The following ARSK variants were observed in gnomAD, a reference collection of about 807,000 sequenced individuals.
ARSK encodes the protein arylsulfatase family member K.
In ARSK, 37 loss-of-function variants were observed where a neutral mutation model predicts 53.2. The ratio of observed to expected loss-of-function variants is 0.70; its 90% CI spans 0.54 to 0.92. The LOEUF is 0.92. ARSK is among the 40% of genes least tolerant of loss of function. ARSK has a pLI of 0.00. For synonymous variants in ARSK, 208 were observed against 223.2 expected (o/e 0.93, Z 0.61); for missense variants, 613 against 643.0 (o/e 0.95, Z 0.51).
chr5:95,555,298 C>G lies in ARSK; in HGVS notation c.20C>G (p.Ser7Trp), dbSNP rs765256660. The G allele has an allele frequency of 1.9e-6, 3 of 1,601,436 alleles. No individual in the cohort carries two copies. The highest frequency in any genetic ancestry group is 2.2e-5 in the South Asian group (2 of 90,630). MLLLWVSVVAALALAVL... is the reference protein window; with the variant it reads MLLLWVWVVAALALAVL... ...CCGGCGATGCTACTGCTGTGGGTGT[C>G]GGTGGTCGCAGCCTTGGCGCTGGCG... The change falls in exon 1 of 8, where the codon TCG (serine) becomes TGG (tryptophan). Residue 7 changes from serine to tryptophan, a missense_variant. Coordinates refer to ENST00000380009, the MANE Select transcript of ARSK (RefSeq NM_198150.3). The surrounding 1 kb of genome is among the most constrained non-coding windows in gnomAD (Gnocchi z 4.0).
At chr5:95,564,713 T>G (rs1404562459) in intron 1 of ARSK, among the ~76,000 whole-genome samples, 1 of 152,178 alleles carries the variant, frequency 6.6e-6, no homozygotes, top group Non-Finnish European at 1.5e-5. Context: ...GTTACCTCTT[T>G]CTTGGCACAC....
At chr5:95,591,984 AT>A (rs1749226103) in intron 6 of ARSK, among the ~76,000 whole-genome samples, 1 of 152,194 alleles carries the variant, frequency 6.6e-6, no homozygotes. Flanking sequence ...TTTCTGAATT[AT>A]TCTATTCACT....
At chr5:95,592,640 A>G (rs1367575267) in intron 6 of ARSK, among the ~76,000 whole-genome samples, 3 of 152,034 alleles carry the variant, frequency 2.0e-5, no homozygotes, top group African/African-American at 7.2e-5. Flanking sequence ...CCTCTGCCTA[A>G]CAGTTTCAAG....
chr5:95,559,415 G>C (rs552253946), intron 1 of ARSK, among the ~76,000 whole-genome samples: 1 of 152,270 alleles, frequency 6.6e-6, no homozygotes, highest in East Asian at 1.9e-4. Flanking sequence ...AGCCCGCAAA[G>C]ATTTGGTATC....
At chr5:95,565,902 A>T in intron 1 of ARSK, 96 bp from the exon 2 acceptor site, 1 of 1,156,686 alleles carries the variant, frequency 8.6e-7, no homozygotes, top group Non-Finnish European at 1.2e-6. Flanking sequence ...TTAAAATCAT[A>T]TTGAAGTCTT....
intron 3 of ARSK, among the ~76,000 whole-genome samples, chr5:95,581,970 G>A (rs907424278): frequency 6.6e-6 from 1 of 151,968 alleles, no homozygotes; most frequent in African/African-American, 2.4e-5. Flanking sequence ...TCAGAAGTCA[G>A]GGTATAAAAT....
chr5:95,572,420 T>C (rs1748847919), intron 3 of ARSK, among the ~76,000 whole-genome samples: 1 of 152,246 alleles, frequency 6.6e-6, no homozygotes, highest in South Asian at 2.1e-4. Context: ...ATCTGCCCCT[T>C]CACATTATAT....
chr5:95,587,905 C>CAA (rs753471404), intron 5 of ARSK, among the ~76,000 whole-genome samples: 7 of 82,336 alleles, frequency 8.5e-5, no homozygotes, highest in African/African-American at 1.9e-4. Context: ...GACTACGTCT[C>CAA]AAAAAAAAAA....
At chr5:95,598,633 C>G (rs555946699) in intron 6 of ARSK, among the ~76,000 whole-genome samples, 1 of 152,270 alleles carries the variant, frequency 6.6e-6, no homozygotes, top group African/African-American at 2.4e-5. Context: ...GTCAGACTGT[C>G]ACACCTCTGC....
At chr5:95,597,611 A>C (rs934791605) in intron 6 of ARSK, among the ~76,000 whole-genome samples, 3 of 152,304 alleles carry the variant, frequency 2.0e-5, no homozygotes, top group Middle Eastern at 3.4e-3. Context: ...AAATGGGGAT[A>C]GGCCAGGCGT....
intron 3 of ARSK, among the ~76,000 whole-genome samples, chr5:95,579,247 G>A (rs987527207): frequency 3.9e-5 from 6 of 152,242 alleles, no homozygotes; most frequent in Middle Eastern, 3.4e-3. Flanking sequence ...AGTGAGTCTA[G>A]GATAGTGTAT....
At position 95,604,423 on chromosome 5, in the gene ARSK, C is replaced by T. The variant is rs929038416; in HGVS notation, c.*897C>T. ...CTCCAAGAAGCAAGTACCGAAACCACCTGCTTACGCATTTTTAGAGATTGG... is the reference window on the plus strand; with the variant it reads ...CTCCAAGAAGCAAGTACCGAAACCATCTGCTTACGCATTTTTAGAGATTGG... On this transcript the variant is annotated 3_prime_UTR_variant, in exon 8 of 8. Coordinates refer to ENST00000380009, the MANE Select transcript of ARSK (RefSeq NM_198150.3). 3 of 152,216 alleles carry T rather than the reference C, an allele frequency of 2.0e-5. 1 individual carries two copies. The highest frequency in any genetic ancestry group is 4.8e-5 in the African/African-American group (2 of 41,456). 9.4% of individuals were successfully genotyped at this position (152,216 alleles called of 1,614,324 possible).
At chr5:95,561,100 T>G (rs1283971220) in intron 1 of ARSK, among the ~76,000 whole-genome samples, 1 of 152,196 alleles carries the variant, frequency 6.6e-6, no homozygotes, top group East Asian at 1.9e-4. Context: ...TGAACCACCA[T>G]GCCCGGCCAA....
rs763673609 is a variant in ARSK at position 95,586,598 on chromosome 5, C to A, written c.736C>A (p.Pro246Thr). The A allele has an allele frequency of 6.2e-6, 10 of 1,612,060 alleles. No individual in the cohort carries two copies. Among genetic ancestry groups the A allele is most frequent in the Non-Finnish European group, 7.6e-6 (9 of 1,179,338 alleles). ...HDAIKIPKWS[P>T]LSEMHPVDYY... The stretch of plus-strand genomic sequence containing the variant: ...TGCCATCAAAATCCCAAAGTGGTCA[C>A]CTTTGTCAGAAATGCACCCTGTAGA... Residue 246 changes from proline to threonine, a missense_variant, in exon 5 of 8, where the codon CCT (proline) becomes ACT (threonine). Physicochemically the swap from Pro to Thr is conservative, Grantham distance 38 (BLOSUM62 -1). Coordinates refer to ENST00000380009, the MANE Select transcript of ARSK (RefSeq NM_198150.3).
At chr5:95,572,809 C>G (rs1245580821) in intron 3 of ARSK, among the ~76,000 whole-genome samples, 1 of 152,090 alleles carries the variant, frequency 6.6e-6, no homozygotes, top group Non-Finnish European at 1.5e-5. Context: ...TATTTGCCTT[C>G]AGGTAAAATT....
At position 95,591,597 on chromosome 5, in the gene ARSK, T is replaced by G; in HGVS notation, c.1068T>G (p.Ser356=). 6.2e-7 allele frequency: 1 copy of G among 1,614,142 alleles called. No homozygotes were observed. Among genetic ancestry groups the G allele is most frequent in the Non-Finnish European group, 8.5e-7 (1 of 1,179,984 alleles). ...GCCTACAAGTATCAAATGTGGTTTC[T>G]CTTGTGGATATTTACCCTACCATGC... The part of the protein sequence containing the change: ...KAGLQVSNVV[S]LVDIYPTMLD... Residue 356 remains serine, a synonymous_variant, in exon 6 of 8, where the codon TCT becomes TCG. Coordinates refer to ENST00000380009, the MANE Select transcript of ARSK (RefSeq NM_198150.3).
At chr5:95,581,133 G>A (rs901606123) in intron 3 of ARSK, among the ~76,000 whole-genome samples, 9 of 152,042 alleles carry the variant, frequency 5.9e-5, no homozygotes, top group African/African-American at 9.7e-5. Context: ...GAGGACAATC[G>A]CATATTATTT....
rs775945595 is a variant in ARSK at position 95,568,064 on chromosome 5, A to G, written c.416+15A>G. The G allele has an allele frequency of 3.7e-6, 6 of 1,611,068 alleles. No homozygotes were observed. Among genetic ancestry groups the G allele is most frequent in the Non-Finnish European group, 4.2e-6 (5 of 1,178,662 alleles). Reference sequence around the variant, plus strand: ...CACTCCATTAGGTAAAAATAAAACAAAAATAATCATCATGGACTGCCCTCT... The same window carrying G: ...CACTCCATTAGGTAAAAATAAAACAGAAATAATCATCATGGACTGCCCTCT... On this transcript the variant is annotated intron_variant, in intron 3 of 7. Transcript: ENST00000380009.
rs1413878443 is a variant in ARSK at position 95,583,324 on chromosome 5, A to G, written c.699+126A>G. ...GAAAATTGTATATTCAAACTTGACCAATAACTAGTATGATAAAAACTAAAG... is the reference window on the plus strand; with the variant it reads ...GAAAATTGTATATTCAAACTTGACCGATAACTAGTATGATAAAAACTAAAG... On this transcript the variant is annotated intron_variant, in intron 4 of 7. Transcript: ENST00000380009. 8 of 796,394 alleles carry G rather than the reference A, an allele frequency of 1.0e-5. No homozygotes were observed. In the African/African-American group the frequency reaches 1.0e-4, roughly 10 times the overall value. The allele number at this position is 796,394 out of a possible 1,614,324, so 49.3% of individuals were successfully genotyped here.
Sources: allele counts gnomAD v4.1 joint callset (sites outside exome capture counted in the v4.1 genomes callset), GRCh38; gene constraint gnomAD v4.1.1; non-coding constraint Gnocchi (gnomAD v3.1); transcripts MANE v1.5; gene names NCBI Gene and HGNC (gene_info 2026-07-23, HGNC 2026-07-21).